GABRB1: variants seen among roughly 807,000 people sequenced by gnomAD.
The protein encoded by GABRB1 is gamma-aminobutyric acid receptor subunit beta-1.
In GABRB1, 17 loss-of-function variants were observed where a neutral mutation model predicts 51.6. That is an observed-to-expected ratio of 0.33 (90% confidence interval 0.23 to 0.49). GABRB1 has a LOEUF of 0.49. GABRB1 is among the 20% of genes least tolerant of loss of function. The pLI is 0.99. For missense variants in GABRB1, 410 were observed against 600.6 expected, an observed-to-expected ratio of 0.68 and a Z score of 3.32; for synonymous variants, 247 against 218.9, an observed-to-expected ratio of 1.13 and a Z score of -1.14.
At chr4:47,294,847 G>C (rs987525142) in intron 4 of GABRB1, among the ~76,000 whole-genome samples, 1 of 152,190 alleles carries the variant, frequency 6.6e-6, no homozygotes, top group African/African-American at 2.4e-5. Context: ...GCCTAACTGG[G>C]AGGCACCCCA....
intron 4 of GABRB1, among the ~76,000 whole-genome samples, chr4:47,299,813 C>T (rs1301086209): frequency 7.2e-5 from 11 of 151,948 alleles, no homozygotes; most frequent in African/African-American, 2.7e-4. Context: ...CAGCACTATT[C>T]ACAATAGCAA....
chr4:47,038,386 A>G (rs1725688793), intron 3 of GABRB1, among the ~76,000 whole-genome samples: 1 of 152,216 alleles, frequency 6.6e-6, no homozygotes, highest in Admixed American at 6.5e-5. Flanking sequence ...AACTGGCCTA[A>G]TGCCTGGTTT....
chr4:47,202,674 C>A (rs1166471235), intron 4 of GABRB1, among the ~76,000 whole-genome samples: 1 of 152,124 alleles, frequency 6.6e-6, no homozygotes, highest in East Asian at 1.9e-4. Flanking sequence ...TCAAATAAGT[C>A]ATTTCCTTTG....
intron 4 of GABRB1, among the ~76,000 whole-genome samples, chr4:47,299,293 T>C (rs1400819476): frequency 1.3e-5 from 2 of 151,710 alleles, no homozygotes; most frequent in Non-Finnish European, 2.9e-5. Flanking sequence ...ACCATCAGAG[T>C]GAACAGGCAA....
chr4:47,058,332 A>C (rs1726706243), intron 3 of GABRB1, among the ~76,000 whole-genome samples: 1 of 152,246 alleles, frequency 6.6e-6, no homozygotes, highest in Admixed American at 6.5e-5. Context: ...TGGTTTCTAT[A>C]AATGGAAATC....
rs142261339 is a variant in GABRB1 at position 47,210,135 on chromosome 4, G to A, written c.461+48666G>A. On this transcript the variant is annotated intron_variant, in intron 4 of 8. Coordinates refer to ENST00000295454, the MANE Select transcript of GABRB1 (RefSeq NM_000812.4). ...TGTCATTAAGAAACCATCAGGAAGA[G>A]AGGAATGCAGAGCTTATAAAAGAAT... is the stretch of plus-strand genomic sequence containing the variant. 9.9e-5 allele frequency among the ~76,000 whole-genome samples: 15 copies of A among 152,228 alleles called. No individual in the cohort carries two copies. The East Asian group carries it at 2.7e-3, about 27-fold the overall frequency.
At chr4:47,357,580 G>A (rs1178156826) in intron 5 of GABRB1, among the ~76,000 whole-genome samples, 5 of 152,216 alleles carry the variant, frequency 3.3e-5, no homozygotes, top group Non-Finnish European at 7.3e-5. Flanking sequence ...TTGGAAGTTA[G>A]TGATGTAAAG....
At chr4:47,188,796 G>A (rs148371524) in intron 4 of GABRB1, among the ~76,000 whole-genome samples, 16 of 151,976 alleles carry the variant, frequency 1.1e-4, no homozygotes, top group African/African-American at 3.6e-4. Context: ...CTTCCTTTGT[G>A]CTGAAGTCAG....
intron 3 of GABRB1, among the ~76,000 whole-genome samples, chr4:47,148,536 A>C (rs897156642): frequency 6.6e-6 from 1 of 152,042 alleles, no homozygotes; most frequent in Non-Finnish European, 1.5e-5. Flanking sequence ...TTGCTACTAT[A>C]ACTAATGATT....
intron 5 of GABRB1, among the ~76,000 whole-genome samples, chr4:47,378,065 C>A (rs1008223223): frequency 6.6e-6 from 1 of 152,174 alleles, no homozygotes; most frequent in Non-Finnish European, 1.5e-5. Flanking sequence ...CTTGGGTGGT[C>A]GATGGGACTG....
In GABRB1 at chr4:46,999,437, A is replaced by G. The variant is rs571819232; in HGVS notation, c.-20+5511A>G. On this transcript the variant is annotated intron_variant, in intron 1 of 3. Transcript: ENST00000513567. ...ACATGTTCATGAGGAGACATCTAAAATATGTTACGTTGTTTGTAATAGTGG... is the reference window on the plus strand; with the variant it reads ...ACATGTTCATGAGGAGACATCTAAAGTATGTTACGTTGTTTGTAATAGTGG... 2.2e-4 allele frequency among the ~76,000 whole-genome samples: 34 copies of G among 152,344 alleles called. No homozygotes were observed. In the South Asian group the frequency reaches 6.2e-3, roughly 28 times the overall value.
At chr4:47,170,586 G>C (rs1490443950) in intron 4 of GABRB1, among the ~76,000 whole-genome samples, 1 of 152,114 alleles carries the variant, frequency 6.6e-6, no homozygotes, top group Non-Finnish European at 1.5e-5. Context: ...GTCCTGGGCA[G>C]ATCTCACAAG....
intron 3 of GABRB1, among the ~76,000 whole-genome samples, chr4:47,124,641 T>C (rs13102561): frequency 0.26 from 39,180 of 152,018 alleles, 6,130 homozygotes; most frequent in Middle Eastern, 0.43. Context: ...CATGACAAAA[T>C]TGGAAGTTCA....
intron 1 of GABRB1, among the ~76,000 whole-genome samples, chr4:46,998,967 GTACTCTGTACTAATTACTAC>G (rs1265406153): frequency 6.6e-6 from 1 of 151,934 alleles, no homozygotes. Context: ...TGTGTAATTA[GTACTCTGTACTAATTACTAC>G]AAGAAACATT....
At chr4:47,068,821 A>T (rs913056063) in intron 3 of GABRB1, among the ~76,000 whole-genome samples, 7 of 151,108 alleles carry the variant, frequency 4.6e-5, no homozygotes, top group Non-Finnish European at 4.4e-5. Flanking sequence ...CATGCTGTTT[A>T]AAAAAAATGG....
At chr4:47,116,296 A>T (rs1715476082) in intron 3 of GABRB1, among the ~76,000 whole-genome samples, 1 of 152,030 alleles carries the variant, frequency 6.6e-6, no homozygotes, top group African/African-American at 2.4e-5. Flanking sequence ...AGCCTAAGAC[A>T]TTCATCTCAA....
At chr4:47,282,583 A>G (rs1333743947) in intron 4 of GABRB1, among the ~76,000 whole-genome samples, 2 of 152,200 alleles carry the variant, frequency 1.3e-5, no homozygotes, top group African/African-American at 4.8e-5. Flanking sequence ...ACAGTAATCT[A>G]GTTCAGTATT....
At chr4:47,141,940 A>G (rs1442101) in intron 3 of GABRB1, among the ~76,000 whole-genome samples, 136,872 of 151,900 alleles carry the variant, frequency 0.9, 61,749 homozygotes, top group South Asian at 0.93. Flanking sequence ...GTTTGCCTGG[A>G]TTATGTACTA....
intron 5 of GABRB1, among the ~76,000 whole-genome samples, chr4:47,381,283 C>T (rs1304383019): frequency 6.6e-6 from 1 of 152,168 alleles, no homozygotes; most frequent in Non-Finnish European, 1.5e-5. Flanking sequence ...CAAGCAGGAT[C>T]AGGTCCTCAC....
Sources: gnomAD v4.1 joint callset for allele counts (sites outside exome capture counted in the v4.1 genomes callset) on GRCh38, gnomAD v4.1.1 for gene constraint, MANE v1.5 for transcripts, NCBI Gene and HGNC (gene_info 2026-07-23, HGNC 2026-07-21) for gene names.